CHN2: variants seen among roughly 807,000 people sequenced by gnomAD.
The protein encoded by CHN2 is chimerin 2, also known as beta-chimaerin.
CHN2 carries 35 observed loss-of-function variants against 56.3 expected under a neutral mutation model. The ratio of observed to expected loss-of-function variants is 0.62; its 90% confidence interval spans 0.47 to 0.82. The LOEUF (loss-of-function observed/expected upper bound fraction) is 0.82, where lower values mean the gene tolerates loss of function less well. Ranked by LOEUF, CHN2 falls within the 40% of genes least tolerant of loss-of-function variation. The probability of loss-of-function intolerance (pLI) is 0.00; values close to 1 mark genes in which losing one functional copy is unlikely to be tolerated. For synonymous variants in CHN2, 210 were observed against 212.8 expected (o/e 0.99, Z 0.12); for missense variants, 491 against 580.5 (o/e 0.85, Z 1.58).
At chr7:29,342,208 C>CTGGATGGCTGGATGGT (rs1405917737) in intron 1 of CHN2, among the ~76,000 whole-genome samples, 23 of 152,160 alleles carry the variant, frequency 1.5e-4, no homozygotes, top group Non-Finnish European at 2.4e-4. Context: ...GAGGGGATGG[C>CTGGATGGCTGGATGGT]TGGATGGCTG....
At chr7:29,219,933 G>A (rs954584397) in intron 1 of CHN2, among the ~76,000 whole-genome samples, 10 of 151,986 alleles carry the variant, frequency 6.6e-5, no homozygotes, top group African/African-American at 2.4e-4. Context: ...AAATTAGCTG[G>A]GCGTGGTGGC....
chr7:29,361,603 G>A (rs555248447), intron 2 of CHN2, among the ~76,000 whole-genome samples: 1 of 152,312 alleles, frequency 6.6e-6, no homozygotes, highest in South Asian at 2.1e-4. Context: ...CCTCCAAGTC[G>A]CCCCTGGCTG....
In CHN2 at chr7:29,221,500, G is replaced by A. The variant is rs572649130; in HGVS notation, c.49+26510G>A. Among the ~76,000 whole-genome samples the A allele has an allele frequency of 8.7e-4, 132 of 152,140 alleles. 1 individual carries two copies. Among genetic ancestry groups the A allele is most frequent in the Middle Eastern group, 6.8e-3 (2 of 294 alleles). On this transcript the variant is annotated intron_variant, in intron 1 of 12. Coordinates refer to ENST00000222792, the MANE Select transcript of CHN2 (RefSeq NM_004067.4). ...TTTAAGTTCCGGGATGTATGTGTAG[G>A]ATGTGCAGGTTTGTTACATAGGTAA...
intron 1 of CHN2, among the ~76,000 whole-genome samples, chr7:29,280,383 C>CATAAATAAATAA (rs367917595): frequency 3.5e-4 from 52 of 150,420 alleles, no homozygotes; most frequent in African/African-American, 1.2e-3. Flanking sequence ...GGCTCCGTCT[C>CATAAATAAATAA]ATAAATAAAT....
chr7:29,410,555 A>G (rs1400398506), intron 6 of CHN2, among the ~76,000 whole-genome samples: 1 of 152,142 alleles, frequency 6.6e-6, no homozygotes, highest in East Asian at 1.9e-4. Flanking sequence ...GCGTTGAAAT[A>G]GAGACTCTTG....
intron 2 of CHN2, among the ~76,000 whole-genome samples, chr7:29,155,838 C>T (rs950984119): frequency 1.3e-5 from 2 of 152,016 alleles, no homozygotes; most frequent in Non-Finnish European, 2.9e-5. Context: ...CCTGGAAAGG[C>T]GAGGACATTT....
chr7:29,281,228 G>A (rs540671579), intron 1 of CHN2, among the ~76,000 whole-genome samples: 1 of 152,214 alleles, frequency 6.6e-6, no homozygotes, highest in East Asian at 1.9e-4. Context: ...TTTTTTGCAT[G>A]TACAAGCTAG....
chr7:29,488,992 A>C (rs1788357418), intron 7 of CHN2, among the ~76,000 whole-genome samples: 1 of 152,200 alleles, frequency 6.6e-6, no homozygotes, highest in Non-Finnish European at 1.5e-5. Flanking sequence ...ATATTAATAC[A>C]TCTGGGTGGT....
chr7:29,242,196 A>T (rs1006382206), intron 1 of CHN2, among the ~76,000 whole-genome samples: 1 of 152,220 alleles, frequency 6.6e-6, no homozygotes, highest in Non-Finnish European at 1.5e-5. Flanking sequence ...GAACCTAGGC[A>T]GGCTGCCTCT....
At chr7:29,455,996 C>T (rs1430010237) in intron 6 of CHN2, among the ~76,000 whole-genome samples, 2 of 152,226 alleles carry the variant, frequency 1.3e-5, no homozygotes, top group African/African-American at 2.4e-5. Flanking sequence ...TGAGTTCATT[C>T]TGCAGGTCTG....
chr7:29,482,162 C>T (rs373609036), intron 7 of CHN2, among the ~76,000 whole-genome samples: 45 of 152,134 alleles, frequency 3.0e-4, no homozygotes, highest in African/African-American at 1.0e-3. Context: ...AGCTATTCAC[C>T]GTTAACAGCT....
chr7:29,388,580 T>G (rs935924480), intron 3 of CHN2, among the ~76,000 whole-genome samples: 6 of 152,198 alleles, frequency 3.9e-5, no homozygotes, highest in Admixed American at 3.9e-4. Context: ...TAGAAATAGG[T>G]AACTTGCTTA....
At chr7:29,483,785 C>T in intron 7 of CHN2, 2 of 1,143,992 alleles carry the variant, frequency 1.7e-6, no homozygotes, top group Non-Finnish European at 1.1e-6. Flanking sequence ...GCCCGGCAGT[C>T]GGCTTGCTCG....
chr7:29,490,964 TG>T (rs1158232896), intron 7 of CHN2, among the ~76,000 whole-genome samples: 4 of 152,230 alleles, frequency 2.6e-5, no homozygotes, highest in South Asian at 2.1e-4. Context: ...TACTAGTTTC[TG>T]TGAAAGATGT....
intron 1 of CHN2, among the ~76,000 whole-genome samples, chr7:29,286,212 C>CTT (rs57926463): frequency 3.0e-5 from 4 of 133,520 alleles, no homozygotes; most frequent in South Asian, 2.5e-4. Flanking sequence ...TCTCTCTCAT[C>CTT]TTTTTTTTTT....
intron 1 of CHN2, among the ~76,000 whole-genome samples, chr7:29,240,419 T>TAA (rs1050754254): frequency 1.3e-5 from 2 of 152,236 alleles, no homozygotes; most frequent in African/African-American, 4.8e-5. Flanking sequence ...ACATCTGTCT[T>TAA]AAATGCTTGA....
At chr7:29,198,674 T>C (rs1783924680) in intron 1 of CHN2, among the ~76,000 whole-genome samples, 1 of 152,246 alleles carries the variant, frequency 6.6e-6, no homozygotes, top group South Asian at 2.1e-4. Flanking sequence ...GGTTCTTGGT[T>C]ATATTCTGAG....
intron 2 of CHN2, among the ~76,000 whole-genome samples, chr7:29,360,870 G>C (rs1300766250): frequency 6.6e-6 from 1 of 152,242 alleles, no homozygotes; most frequent in African/African-American, 2.4e-5. Flanking sequence ...TGTTCCCAGA[G>C]TGAGTCAAGT....
At chr7:29,173,150 T>C (rs1426393247) in intron 2 of CHN2, among the ~76,000 whole-genome samples, 8 of 146,216 alleles carry the variant, frequency 5.5e-5, no homozygotes, top group African/African-American at 1.0e-4. Context: ...AAAAAAAAGC[T>C]GGATGAGATA....
Sources: gnomAD v4.1 joint callset for allele counts (sites outside exome capture counted in the v4.1 genomes callset) on GRCh38, gnomAD v4.1.1 for gene constraint, MANE v1.5 for transcripts, NCBI Gene and HGNC (gene_info 2026-07-23, HGNC 2026-07-21) for gene names.